The following SLC44A5 variants were observed in gnomAD, a reference collection of about 807,000 sequenced individuals.
SLC44A5 encodes the protein solute carrier family 44 member 5, also known as choline transporter-like protein 5.
Under a neutral mutation model 101.8 loss-of-function variants are expected in SLC44A5, and 57 were observed. That is an observed-to-expected ratio of 0.56 (90% confidence interval 0.45 to 0.70). The LOEUF (loss-of-function observed/expected upper bound fraction) is 0.70. Ranked by LOEUF, SLC44A5 falls within the 30% of genes least tolerant of loss-of-function variation. The pLI is 0.00. For synonymous variants in SLC44A5, 281 were observed against 290.9 expected (o/e 0.97, Z 0.35); for missense variants, 737 against 853.1 (o/e 0.86, Z 1.70).
At chr1:75,454,854 G>C (rs1030137555) in intron 2 of SLC44A5, among the ~76,000 whole-genome samples, 8 of 151,892 alleles carry the variant, frequency 5.3e-5, no homozygotes, top group Admixed American at 3.9e-4. Context: ...TACAAGGAGA[G>C]CTACAAAACA....
At chr1:75,371,821 C>T (rs920433699) in intron 3 of SLC44A5, among the ~76,000 whole-genome samples, 1 of 152,134 alleles carries the variant, frequency 6.6e-6, no homozygotes, top group Non-Finnish European at 1.5e-5. Context: ...AGGTGAGGAA[C>T]AGTTGATTGC....
At chr1:75,621,627 A>C in the SLC44A5 span, among the ~76,000 whole-genome samples, 1 of 152,158 alleles carries the variant, frequency 6.6e-6, no homozygotes, top group African/African-American at 2.4e-5. Flanking sequence ...AGAGAAAAAT[A>C]AAAAGAAATA....
intron 4 of SLC44A5, among the ~76,000 whole-genome samples, chr1:75,309,773 C>T (rs903195820): frequency 6.6e-6 from 1 of 152,144 alleles, no homozygotes; most frequent in Non-Finnish European, 1.5e-5. Context: ...ATTATCTGAA[C>T]ATTAGACAAT....
At chr1:75,387,236 T>A (rs1229917584) in intron 3 of SLC44A5, among the ~76,000 whole-genome samples, 2 of 152,104 alleles carry the variant, frequency 1.3e-5, no homozygotes, top group Non-Finnish European at 2.9e-5. Flanking sequence ...AAAGTGCTTC[T>A]GCGCAGCAAA....
At chr1:75,349,183 AT>A (rs1474397626) in intron 3 of SLC44A5, among the ~76,000 whole-genome samples, 1 of 151,866 alleles carries the variant, frequency 6.6e-6, no homozygotes, top group African/African-American at 2.4e-5. Flanking sequence ...CTTAAAATAT[AT>A]AAAAAATTAG....
intron 3 of SLC44A5, chr1:75,353,908 G>A (rs75704397): frequency 0.014 from 2,909 of 203,522 alleles, 73 homozygotes; most frequent in African/African-American, 0.048. Context: ...TCCAGCTTTC[G>A]GTTCAAAAAC....
rs1368881335 is a variant in SLC44A5, at chr1:75,611,055, T to G, written c.-85A>C. The G allele has an allele frequency of 2.0e-6, 2 of 985,210 alleles. No individual in the cohort carries two copies. Among genetic ancestry groups the G allele is most frequent in the Non-Finnish European group, 2.4e-6 (2 of 829,878 alleles). 61.0% of individuals were successfully genotyped at this position (985,210 alleles called of 1,614,324 possible). ...TATCACTCACCTCTTACTCCATCAT[T>G]TCTTCAATAACTCCATCAACACTGA... On this transcript the variant is annotated 5_prime_UTR_variant, in exon 1 of 24. Coordinates refer to ENST00000370859, the MANE Select transcript of SLC44A5 (RefSeq NM_001130058.2).
chr1:75,237,361 G>A (rs1294136096), intron 10 of SLC44A5, among the ~76,000 whole-genome samples: 3 of 152,030 alleles, frequency 2.0e-5, no homozygotes, highest in Non-Finnish European at 4.4e-5. Flanking sequence ...CTCACTGTAA[G>A]AAATGAATTT....
rs906111410 is a variant in SLC44A5, at chr1:75,478,019, A to T, written c.13+63416T>A. ...GCCAGAGAGAAAGGTCGGGTTACCC[A>T]CAAAGGGAAGCCCATCAGACTAACA... On this transcript the variant is annotated intron_variant, in intron 2 of 23. Transcript: ENST00000370859. 9.8e-5 allele frequency among the ~76,000 whole-genome samples: 15 copies of T among 152,310 alleles called. No homozygotes were observed. In the East Asian group the frequency reaches 1.3e-3, roughly 14 times the overall value.
At chr1:75,247,975 C>G (rs763627988) in intron 7 of SLC44A5, among the ~76,000 whole-genome samples, 1 of 151,694 alleles carries the variant, frequency 6.6e-6, no homozygotes, top group Non-Finnish European at 1.5e-5. Flanking sequence ...GATGTGGGAT[C>G]AAGGGAAAAA....
intron 23 of SLC44A5, among the ~76,000 whole-genome samples, chr1:75,209,963 G>A (rs562929959): frequency 6.6e-6 from 1 of 152,242 alleles, no homozygotes; most frequent in South Asian, 2.1e-4. Context: ...CAAAGAAATG[G>A]CATGGAAGGT....
the SLC44A5 span, among the ~76,000 whole-genome samples, chr1:75,660,758 A>T: frequency 6.6e-6 from 1 of 152,170 alleles, no homozygotes; most frequent in African/African-American, 2.4e-5. Context: ...TTAAGCAAAG[A>T]AGCAAAAGAA....
intron 1 of SLC44A5, among the ~76,000 whole-genome samples, chr1:75,566,746 C>T (rs76125625): frequency 0.047 from 7,212 of 152,220 alleles, 200 homozygotes; most frequent in East Asian, 0.1. Context: ...TCAGCACAAA[C>T]GTAAATAAAT....
chr1:75,399,236 G>A (rs930234478), intron 2 of SLC44A5, among the ~76,000 whole-genome samples: 10 of 152,018 alleles, frequency 6.6e-5, no homozygotes, highest in South Asian at 2.1e-4. Flanking sequence ...TGGGTCAACC[G>A]GATGTTGTTT....
chr1:75,258,361 G>T (rs1396509750), intron 6 of SLC44A5, among the ~76,000 whole-genome samples: 1 of 152,060 alleles, frequency 6.6e-6, no homozygotes, highest in African/African-American at 2.4e-5. Flanking sequence ...CAGGGAAGGG[G>T]TGTCTGCCAT....
At chr1:75,324,078 T>A (rs1347404790) in intron 4 of SLC44A5, among the ~76,000 whole-genome samples, 1 of 152,210 alleles carries the variant, frequency 6.6e-6, no homozygotes, top group African/African-American at 2.4e-5. Context: ...TTAAAGACAA[T>A]ACATTTATTT....
At chr1:75,278,691 C>T (rs567965384) in intron 5 of SLC44A5, among the ~76,000 whole-genome samples, 25 of 152,202 alleles carry the variant, frequency 1.6e-4, no homozygotes, top group African/African-American at 5.8e-4. Flanking sequence ...GTGCTTACAC[C>T]TACAGGTAGA....
intron 5 of SLC44A5, among the ~76,000 whole-genome samples, chr1:75,281,263 C>T (rs1652524544): frequency 1.3e-5 from 2 of 152,110 alleles, no homozygotes; most frequent in Admixed American, 6.5e-5. Flanking sequence ...AAAAGTGACT[C>T]TTGCTATGCT....
chr1:75,707,636 G>T, the SLC44A5 span, among the ~76,000 whole-genome samples: 395 of 152,120 alleles, frequency 2.6e-3, 3 homozygotes, highest in African/African-American at 9.1e-3. Flanking sequence ...ACAAATAAAA[G>T]GTATTCTGCT....
Sources: gnomAD v4.1 joint callset for allele counts (sites outside exome capture counted in the v4.1 genomes callset) on GRCh38, gnomAD v4.1.1 for gene constraint, MANE v1.5 for transcripts, NCBI Gene and HGNC (gene_info 2026-07-23, HGNC 2026-07-21) for gene names.